The following PNLIPRP3 variants were observed in gnomAD, a reference collection of about 807,000 sequenced individuals.
PNLIPRP3 encodes pancreatic lipase-related protein 3.
A neutral mutation model predicts 52.8 loss-of-function variants in PNLIPRP3; 58 were observed. The observed-to-expected ratio is 1.10, with a 90% confidence interval of 0.89 to 1.37. The LOEUF (loss-of-function observed/expected upper bound fraction) is 1.37. Among genes scored for constraint, PNLIPRP3 ranks in the 40% most tolerant of loss-of-function variants. The pLI is 0.00. For synonymous variants in PNLIPRP3, 192 were observed against 185.0 expected, an observed-to-expected ratio of 1.04 and a Z score of -0.31; for missense variants, 593 against 561.6, an observed-to-expected ratio of 1.06 and a Z score of -0.57.
intron 1 of PNLIPRP3, among the ~76,000 whole-genome samples, chr10:116,432,996 C>G (rs568105573): frequency 6.6e-6 from 1 of 151,436 alleles, no homozygotes; most frequent in Admixed American, 6.6e-5. Flanking sequence ...CACCTGTAAT[C>G]CCAGCTACGC....
At chr10:116,441,481 C>T (rs1242911532) in intron 2 of PNLIPRP3, among the ~76,000 whole-genome samples, 1 of 152,052 alleles carries the variant, frequency 6.6e-6, no homozygotes, top group Non-Finnish European at 1.5e-5. Context: ...CCAGCTGGGC[C>T]TAAGAGAGTT....
chr10:116,474,792 A>G (rs759000954), intron 10 of PNLIPRP3, among the ~76,000 whole-genome samples: 6 of 152,328 alleles, frequency 3.9e-5, no homozygotes, highest in Non-Finnish European at 8.8e-5. Flanking sequence ...TTAAAAGTCA[A>G]AAAATAACAT....
At chr10:116,446,925 G>A (rs1388350209) in intron 4 of PNLIPRP3, among the ~76,000 whole-genome samples, 1 of 152,076 alleles carries the variant, frequency 6.6e-6, no homozygotes, top group Non-Finnish European at 1.5e-5. Flanking sequence ...CTTTTCTGGG[G>A]GCTGCTTAGG....
intron 2 of PNLIPRP3, among the ~76,000 whole-genome samples, chr10:116,438,112 A>C (rs538371194): frequency 6.6e-6 from 1 of 152,316 alleles, no homozygotes; most frequent in African/African-American, 2.4e-5. Flanking sequence ...AGAAGGAGTT[A>C]GATTCTGGAT....
chr10:116,477,313 A>G lies in PNLIPRP3; in HGVS notation c.*160A>G, dbSNP rs1846489608. The G allele has an allele frequency of 6.0e-6, 3 of 497,700 alleles. No individual in the cohort carries two copies. The highest frequency in any genetic ancestry group is 6.8e-5 in the South Asian group (2 of 29,378). 30.8% of individuals were successfully genotyped at this position (497,700 alleles called of 1,614,324 possible). The stretch of plus-strand genomic sequence containing the variant: ...ACGGGTTTGCTTTTTTTCTGTGTAG[A>G]ATGTTCATCTAACTGCACCTTAAAA... On this transcript the variant is annotated 3_prime_UTR_variant, in exon 12 of 12. Transcript: ENST00000369230.
intron 1 of PNLIPRP3, among the ~76,000 whole-genome samples, chr10:116,433,015 G>A (rs1436400682): frequency 6.8e-6 from 1 of 147,298 alleles, no homozygotes; most frequent in Non-Finnish European, 1.5e-5. Flanking sequence ...GCGGGAGGCT[G>A]AAGCAGGAGA....
chr10:116,466,994 C>A (rs1846290234), intron 8 of PNLIPRP3, among the ~76,000 whole-genome samples: 1 of 152,164 alleles, frequency 6.6e-6, no homozygotes, highest in Non-Finnish European at 1.5e-5. Flanking sequence ...TTGTCCCCGA[C>A]CTCTCTCTTC....
Position 116,466,135 on chromosome 10 carries a change from T to C in PNLIPRP3, c.894T>C (p.Ala298=), listed in dbSNP as rs1379488232. 2.5e-6 allele frequency: 4 copies of C among 1,611,814 alleles called. No individual in the cohort carries two copies. Among genetic ancestry groups the C allele is most frequent in the Admixed American group, 3.3e-5 (2 of 59,996 alleles). The part of the protein sequence containing the change: ...ESILNPDAFI[A]YPCRSYTSFK... ...TTCTTAATCCTGATGCATTTATTGC[T>C]TATCCTTGTAGATCCTACACATCTT... The change falls in exon 8 of 12, where the codon GCT becomes GCC. Residue 298 remains alanine (A), a synonymous_variant. Coordinates refer to ENST00000369230, the MANE Select transcript of PNLIPRP3 (RefSeq NM_001011709.3).
chr10:116,461,493 C>A (rs113101562), intron 7 of PNLIPRP3, among the ~76,000 whole-genome samples: 29 of 152,200 alleles, frequency 1.9e-4, no homozygotes, highest in African/African-American at 6.5e-4. Context: ...ATCCCTGGTG[C>A]CTTATCAATC....
intron 10 of PNLIPRP3, among the ~76,000 whole-genome samples, chr10:116,472,157 T>C (rs1169886188): frequency 6.6e-6 from 1 of 152,190 alleles, no homozygotes; most frequent in Non-Finnish European, 1.5e-5. Context: ...AAACTGACGG[T>C]ATTCAAGATA....
At chr10:116,457,748 T>C (rs7904441) in intron 5 of PNLIPRP3, among the ~76,000 whole-genome samples, 3,978 of 152,286 alleles carry the variant, frequency 0.026, 175 homozygotes, top group African/African-American at 0.092. Context: ...AACACATAAC[T>C]GCATTTACAA....
At chr10:116,440,030 G>A in intron 2 of PNLIPRP3, 1 of 758,934 alleles carries the variant, frequency 1.3e-6, no homozygotes, top group Admixed American at 1.7e-5. Context: ...GGTTTCTAGG[G>A]GTCACCTTTA....
chr10:116,448,065 C>T (rs1205204518), intron 4 of PNLIPRP3, among the ~76,000 whole-genome samples: 8 of 149,802 alleles, frequency 5.3e-5, no homozygotes, highest in Admixed American at 5.3e-4. Flanking sequence ...AGAAAAGAAA[C>T]AGAAAGAAAG....
intron 1 of PNLIPRP3, among the ~76,000 whole-genome samples, chr10:116,433,114 C>CAAA (rs71010080): frequency 0.042 from 359 of 8,502 alleles, 160 homozygotes; most frequent in South Asian, 0.13. Context: ...AACTCCATCT[C>CAAA]AAAAAAAAAA....
intron 1 of PNLIPRP3, among the ~76,000 whole-genome samples, chr10:116,436,022 C>T (rs947836490): frequency 8.5e-5 from 13 of 152,270 alleles, no homozygotes; most frequent in Admixed American, 5.2e-4. Flanking sequence ...CAGAGTAGAG[C>T]GTGCAGAAAT....
intron 4 of PNLIPRP3, 60 bp from the exon 5 acceptor site, chr10:116,455,662 A>T: frequency 1.7e-6 from 2 of 1,204,908 alleles, no homozygotes; most frequent in Non-Finnish European, 2.4e-6. Flanking sequence ...TTTTTAAAGC[A>T]TATTTAAGCT....
Position 116,438,300 on chromosome 10 carries a change from T to C in PNLIPRP3, c.204+1435T>C, listed in dbSNP as rs1845806610. Among the ~76,000 whole-genome samples the C allele has an allele frequency of 4.6e-5, 7 of 152,146 alleles. No homozygotes were observed. The South Asian group carries it at 1.5e-3, about 32-fold the overall frequency. Reference sequence around the variant, plus strand: ...GGACTAGGAGTGGTTGGAGGATCTATATTTAGGGAGCAGGAAAAAAGTGGG... The same window carrying C: ...GGACTAGGAGTGGTTGGAGGATCTACATTTAGGGAGCAGGAAAAAAGTGGG... On this transcript the variant is annotated intron_variant, in intron 2 of 11. Transcript: ENST00000369230.
rs559749073 is a variant in PNLIPRP3 at position 116,460,486 on chromosome 10, C to T, written c.566-480C>T. ...CCAGTCACTTCACTTCCCTGGGCTT[C>T]GGGCTTTTCATTTGTATTACTATTA... On this transcript the variant is annotated intron_variant, in intron 5 of 11. Transcript: ENST00000369230. Among the ~76,000 whole-genome samples, 160 of 152,246 alleles carry T rather than the reference C, an allele frequency of 1.1e-3. 2 individuals carry two copies. In the South Asian group the frequency reaches 0.018, roughly 17 times the overall value.
intron 2 of PNLIPRP3, among the ~76,000 whole-genome samples, chr10:116,438,749 T>C (rs1236833754): frequency 6.6e-6 from 1 of 152,168 alleles, no homozygotes; most frequent in Non-Finnish European, 1.5e-5. Context: ...GCCTGACCCA[T>C]ATGTTATATG....
Sources: allele counts gnomAD v4.1 joint callset (sites outside exome capture counted in the v4.1 genomes callset), GRCh38; gene constraint gnomAD v4.1.1; transcripts MANE v1.5; gene names NCBI Gene and HGNC (gene_info 2026-07-23, HGNC 2026-07-21).